CTNNBL1: variants seen among roughly 807,000 people sequenced by gnomAD.
The protein encoded by CTNNBL1 is catenin beta like 1.
Under a neutral mutation model 72.7 loss-of-function variants are expected in CTNNBL1, and 31 were observed. That is an observed-to-expected ratio of 0.43 (90% CI 0.32 to 0.58). CTNNBL1 has a LOEUF of 0.58. Ranked by LOEUF, CTNNBL1 falls within the 20% of genes least tolerant of loss-of-function variation. The pLI, the probability that CTNNBL1 is intolerant of heterozygous loss-of-function variation, is 0.08. For missense variants in CTNNBL1, 534 were observed against 725.1 expected (o/e 0.74, Z 3.03); for synonymous variants, 240 against 267.3 (o/e 0.90, Z 1.00).
intron 5 of CTNNBL1, among the ~76,000 whole-genome samples, chr20:37,762,474 C>T (rs563138470): frequency 6.6e-6 from 1 of 152,220 alleles, no homozygotes; most frequent in African/African-American, 2.4e-5. Flanking sequence ...AACTTTAACT[C>T]CCGGAATATT....
Position 37,768,027 on chromosome 20 carries a change from C to G in CTNNBL1, c.733C>G (p.Leu245Val), listed in dbSNP as rs186475150. Residue 245 changes from leucine (L) to valine (V), a missense_variant, in exon 7 of 16, where the codon CTG becomes GTG. By Grantham distance (32) the Leu-to-Val change is conservative (BLOSUM62 1). Transcript: ENST00000361383. The part of the protein sequence containing the change: ...EGAQQGLLQW[L>V]LKRLKAKMPF... Reference sequence around the variant, plus strand: ...TGCCCAGCAGGGTCTTCTACAGTGGCTGTTGAAGAGGCTGAAGGTGAGTTT... The same window carrying G: ...TGCCCAGCAGGGTCTTCTACAGTGGGTGTTGAAGAGGCTGAAGGTGAGTTT... 4.7e-4 allele frequency: 755 copies of G among 1,613,942 alleles called. 4 individuals carry two copies. The African/African-American group carries it at 7.9e-3, about 17-fold the overall frequency.
intron 11 of CTNNBL1, among the ~76,000 whole-genome samples, chr20:37,825,426 G>A (rs999563908): frequency 7.9e-5 from 12 of 152,152 alleles, no homozygotes; most frequent in Non-Finnish European, 1.5e-4. Context: ...TGTAATCCCA[G>A]CACTTTGGGA....
chr20:37,835,428 A>C (rs912305112), intron 11 of CTNNBL1, among the ~76,000 whole-genome samples: 2 of 152,330 alleles, frequency 1.3e-5, no homozygotes, highest in Admixed American at 1.3e-4. Flanking sequence ...AAAACATGCT[A>C]ATCAAAAGAA....
chr20:37,778,170 G>A (rs1240726292), intron 9 of CTNNBL1, among the ~76,000 whole-genome samples: 2 of 152,096 alleles, frequency 1.3e-5, no homozygotes, highest in Non-Finnish European at 2.9e-5. Flanking sequence ...GGGAGGATGT[G>A]GTGCTGAAGG....
In CTNNBL1 at chr20:37,710,564, GC is replaced by G. The variant is rs377215647; in HGVS notation, c.30+16420del. Among the ~76,000 whole-genome samples the G allele has an allele frequency of 3.6e-3, 552 of 151,430 alleles. 6 individuals are homozygous for G. Among genetic ancestry groups the G allele is most frequent in the East Asian group, 0.017 (87 of 5,170 alleles). Reference sequence around the variant, plus strand: ...GTTGCTTTTCCTCTAGCATCTCTTTGCCCCCCCCACTGCCATCCTGGGAACT... The same window carrying G: ...GTTGCTTTTCCTCTAGCATCTCTTTGCCCCCCCACTGCCATCCTGGGAACT... On this transcript the variant is annotated intron_variant, in intron 1 of 15. Transcript: ENST00000361383.
At chr20:37,854,957 A>G (rs1168010683) in intron 13 of CTNNBL1, among the ~76,000 whole-genome samples, 1 of 152,108 alleles carries the variant, frequency 6.6e-6, no homozygotes, top group African/African-American at 2.4e-5. Flanking sequence ...ATCCTGACAC[A>G]TAGTAAGTCC....
intron 13 of CTNNBL1, among the ~76,000 whole-genome samples, chr20:37,842,753 C>T (rs1365733869): frequency 6.6e-6 from 1 of 152,186 alleles, no homozygotes; most frequent in Non-Finnish European, 1.5e-5. Flanking sequence ...TGTCTTAGTA[C>T]TCACACTTGC....
Position 37,840,033 on chromosome 20 carries a change from G to T in CTNNBL1, c.1214-69G>T. ...TATTCTGCCCTCAATAGAACCAGAC[G>T]AGGCTTGAAGAGAGGTAATAATTAC... On this transcript the variant is annotated intron_variant, in intron 11 of 15. Coordinates refer to ENST00000361383, the MANE Select transcript of CTNNBL1 (RefSeq NM_030877.5). The T allele has an allele frequency of 4.5e-6, 5 of 1,122,686 alleles. No individual in the cohort carries two copies. In the South Asian group the frequency reaches 6.3e-5, roughly 14 times the overall value. The allele number at this position is 1,122,686 out of a possible 1,614,324, so 69.5% of individuals were successfully genotyped here. A position where few individuals can be genotyped will look rare whatever the true frequency, so the allele number is the denominator to read the frequency against.
At position 37,737,265 on chromosome 20, in the gene CTNNBL1, C is replaced by T. The variant is rs113077495; in HGVS notation, c.220-113C>T. 923 of 742,942 alleles carry T rather than the reference C, an allele frequency of 1.2e-3. 8 individuals carry two copies. The African/African-American group carries it at 0.014, about 12-fold the overall frequency. 46.0% of individuals were successfully genotyped at this position (742,942 alleles called of 1,614,324 possible). On this transcript the variant is annotated intron_variant, in intron 2 of 15. Coordinates refer to ENST00000361383, the MANE Select transcript of CTNNBL1 (RefSeq NM_030877.5). ...CAAAAAAAGTGTACTGTACATTGAA[C>T]CCAGAAAGGTCAATGGCAGAGTGAG...
At chr20:37,856,310 A>G (rs1383022988) in intron 13 of CTNNBL1, among the ~76,000 whole-genome samples, 3 of 152,126 alleles carry the variant, frequency 2.0e-5, no homozygotes, top group African/African-American at 7.2e-5. Context: ...CACACAAGGA[A>G]GAGGCACAGA....
intron 3 of CTNNBL1, among the ~76,000 whole-genome samples, chr20:37,739,595 A>G (rs2073197582): frequency 1.3e-5 from 2 of 152,010 alleles, no homozygotes; most frequent in South Asian, 4.1e-4. Context: ...GCTACTGCCA[A>G]TTTTCTCACT....
In CTNNBL1 at chr20:37,820,500, G is replaced by A. The variant is rs554527599; in HGVS notation, c.1213+17452G>A. Among the ~76,000 whole-genome samples, 6 of 152,192 alleles carry A rather than the reference G, an allele frequency of 3.9e-5. No homozygotes were observed. In the South Asian group the frequency reaches 8.3e-4, roughly 21 times the overall value. On this transcript the variant is annotated intron_variant, in intron 11 of 15. Transcript: ENST00000361383. ...ACACAGATTGATATGGTTTGGCTCC[G>A]TGTCTCAACCCAAATCTCATCTTAA...
At chr20:37,747,279 G>T (rs543285315) in intron 4 of CTNNBL1, among the ~76,000 whole-genome samples, 21 of 151,240 alleles carry the variant, frequency 1.4e-4, no homozygotes, top group African/African-American at 5.1e-4. Flanking sequence ...GGAGGCTGAG[G>T]CAGGAAAAGC....
At chr20:37,788,822 C>G (rs571231290) in intron 10 of CTNNBL1, among the ~76,000 whole-genome samples, 1 of 152,204 alleles carries the variant, frequency 6.6e-6, no homozygotes, top group Non-Finnish European at 1.5e-5. Flanking sequence ...TTTCCAGGAG[C>G]TGTTTGTGAA....
At chr20:37,777,827 A>G in intron 9 of CTNNBL1, 115 bp downstream of exon 9, 1 of 1,077,402 alleles carries the variant, frequency 9.3e-7, no homozygotes, top group Non-Finnish European at 1.4e-6. Flanking sequence ...CATATGGAGC[A>G]TGTTGGCAGG....
chr20:37,759,804 T>C (rs2073399179), intron 5 of CTNNBL1, among the ~76,000 whole-genome samples: 3 of 151,284 alleles, frequency 2.0e-5, no homozygotes. Flanking sequence ...GTCTTCCATT[T>C]ACTTTTTTTA....
intron 11 of CTNNBL1, among the ~76,000 whole-genome samples, chr20:37,830,831 G>A (rs936399257): frequency 2.6e-5 from 4 of 152,096 alleles, no homozygotes; most frequent in African/African-American, 9.7e-5. Context: ...TTTTAAAAAA[G>A]TGTTGACTGT....
At chr20:37,819,984 C>T (rs914378936) in intron 11 of CTNNBL1, among the ~76,000 whole-genome samples, 2 of 150,758 alleles carry the variant, frequency 1.3e-5, no homozygotes, top group African/African-American at 4.9e-5. Flanking sequence ...AAGCGATTCT[C>T]CTGCTTCAGC....
chr20:37,698,896 A>G (rs898535113), intron 1 of CTNNBL1, among the ~76,000 whole-genome samples: 2 of 152,144 alleles, frequency 1.3e-5, no homozygotes, highest in Non-Finnish European at 2.9e-5. Flanking sequence ...AAGTTTAAAA[A>G]TCAGCTGGGC....
Sources: gnomAD v4.1 joint callset for allele counts (sites outside exome capture counted in the v4.1 genomes callset) on GRCh38, gnomAD v4.1.1 for gene constraint, MANE v1.5 for transcripts, NCBI Gene and HGNC (gene_info 2026-07-23, HGNC 2026-07-21) for gene names.